Variants in CABLES1 observed in about 807,000 individuals in gnomAD.
CABLES1 encodes the protein Cdk5 and Abl enzyme substrate 1, also known as CDK5 and ABL1 enzyme substrate 1.
CABLES1 carries 36 observed loss-of-function variants against 57.8 expected under a neutral mutation model. The ratio of observed to expected loss-of-function variants is 0.62; its 90% CI spans 0.48 to 0.82. The LOEUF is 0.82. Among genes scored for constraint, CABLES1 ranks in the 40% least tolerant of loss-of-function variants. The pLI, the probability that CABLES1 is intolerant of heterozygous loss-of-function variation, is 0.00. For missense variants in CABLES1, 767 were observed against 836.6 expected (o/e 0.92, Z 1.03); for synonymous variants, 374 against 363.0 (o/e 1.03, Z -0.35).
In CABLES1 at chr18:23,135,829, G is replaced by A; in HGVS notation, c.67G>A (p.Ala23Thr). 2.1e-6 allele frequency: 2 copies of A among 966,114 alleles called. No homozygotes were observed. The highest frequency in any genetic ancestry group is 2.5e-6 in the Non-Finnish European group (2 of 813,260). 59.8% of individuals were successfully genotyped at this position (966,114 alleles called of 1,614,324 possible). ...CSSGSAGTDA[A>T]GASGLQQPPP... ...CAGCGGCAGCGCCGGCACCGACGCC[G>A]CGGGCGCCAGCGGATTGCAGCAGCC... Residue 23 changes from alanine (A) to threonine (T), a missense_variant, in exon 1 of 10, where the codon GCG becomes ACG. Ala to Thr is a moderately conservative substitution (Grantham distance 58). Transcript: ENST00000256925.
chr18:23,247,649 G>A (rs979121697), intron 7 of CABLES1, among the ~76,000 whole-genome samples: 2 of 152,248 alleles, frequency 1.3e-5, no homozygotes, highest in Non-Finnish European at 2.9e-5. Flanking sequence ...TGTGCACTGG[G>A]CCGCCGGGCA....
chr18:23,247,443 C>T (rs952531059), intron 7 of CABLES1, among the ~76,000 whole-genome samples: 1 of 152,200 alleles, frequency 6.6e-6, no homozygotes, highest in African/African-American at 2.4e-5. Flanking sequence ...ATGTGCTGGG[C>T]CCCTTCCAAG....
At chr18:23,184,778 C>T (rs562293315) in intron 1 of CABLES1, among the ~76,000 whole-genome samples, 20 of 152,184 alleles carry the variant, frequency 1.3e-4, no homozygotes, top group Non-Finnish European at 1.8e-4. Context: ...TATCTGGGTG[C>T]GAGCATGGTT....
intron 4 of CABLES1, among the ~76,000 whole-genome samples, chr18:23,221,450 T>C (rs977822565): frequency 1.2e-4 from 18 of 152,166 alleles, no homozygotes; most frequent in Non-Finnish European, 2.4e-4. Context: ...GTGTCCTGAG[T>C]TGCAGACATT....
chr18:23,214,120 G>A (rs529236421), intron 4 of CABLES1, 66 bp downstream of exon 4: 1 of 1,118,920 alleles, frequency 8.9e-7, no homozygotes, highest in African/African-American at 1.6e-5. Flanking sequence ...TGTACATAAT[G>A]TGGCCATCCT....
chr18:23,239,034 T>C (rs1391300520), intron 7 of CABLES1, among the ~76,000 whole-genome samples: 1 of 152,250 alleles, frequency 6.6e-6, no homozygotes, highest in Non-Finnish European at 1.5e-5. Flanking sequence ...CCTCTCCTTT[T>C]ATAGGCCTAG....
At chr18:23,140,454 T>G (rs1357543662) in intron 1 of CABLES1, among the ~76,000 whole-genome samples, 1 of 138,022 alleles carries the variant, frequency 7.2e-6, no homozygotes, top group African/African-American at 2.9e-5. Flanking sequence ...TTTTTTTTTT[T>G]GAGATGGAGT....
chr18:23,152,959 G>A (rs748086853), intron 1 of CABLES1, among the ~76,000 whole-genome samples: 1 of 151,126 alleles, frequency 6.6e-6, no homozygotes, highest in Non-Finnish European at 1.5e-5. Context: ...CCACCACCAC[G>A]CCCTGCTGTT....
At chr18:23,257,033 G>A (rs1201935411) in intron 9 of CABLES1, 194 bp from the exon 10 acceptor site, 2 of 598,796 alleles carry the variant, frequency 3.3e-6, no homozygotes, top group Non-Finnish European at 2.9e-6. Flanking sequence ...CCTCGGGAAA[G>A]GAGCAGCTCC....
At position 23,169,414 on chromosome 18, in the gene CABLES1, T is replaced by C. The variant is rs115626124; in HGVS notation, c.846-19424T>C. ...CTGGATCAGGACTCTTTTCCAGTAA[T>C]GTAAGTATGCATGATATGTTATGTC... On this transcript the variant is annotated intron_variant, in intron 1 of 9. Coordinates refer to ENST00000256925, the MANE Select transcript of CABLES1 (RefSeq NM_001100619.3). 9.1e-3 allele frequency among the ~76,000 whole-genome samples: 1,383 copies of C among 152,296 alleles called. 23 individuals are homozygous for C. Among genetic ancestry groups the C allele is most frequent in the African/African-American group, 0.031 (1,292 of 41,556 alleles).
intron 2 of CABLES1, among the ~76,000 whole-genome samples, chr18:23,193,483 C>T (rs1006106296): frequency 0.011 from 2 of 180 alleles, no homozygotes; most frequent in African/African-American, 0.016. Context: ...TGAGCCACCA[C>T]GCCCCAGCCC....
At position 23,248,532 on chromosome 18, in the gene CABLES1, TTTTTTTAA is replaced by T. The variant is rs1451482653; in HGVS notation, c.1447-4427_1447-4420del. Among the ~76,000 whole-genome samples the T allele has an allele frequency of 9.5e-5, 13 of 137,336 alleles. No homozygotes were observed. In the East Asian group the frequency reaches 1.4e-3, roughly 15 times the overall value. The allele number at this position is 137,336 out of a possible 152,430, so 90.1% of individuals were successfully genotyped here. On this transcript the variant is annotated intron_variant, in intron 7 of 9. Transcript: ENST00000256925. ...TATGTCTTTTTTTTTTTTTTTTTTT[TTTTTTTAA>T]AAAAAGGCTGGACGTGGTGGCTCAT...
At chr18:23,152,172 G>A (rs1438663377) in intron 1 of CABLES1, among the ~76,000 whole-genome samples, 2 of 152,038 alleles carry the variant, frequency 1.3e-5, no homozygotes, top group African/African-American at 4.8e-5. Context: ...GCTGAGGTGG[G>A]AGAATTGCCT....
At chr18:23,144,101 G>A (rs761445870) in intron 1 of CABLES1, among the ~76,000 whole-genome samples, 21 of 152,168 alleles carry the variant, frequency 1.4e-4, no homozygotes, top group Admixed American at 3.9e-4. Context: ...TTCCAGCTCC[G>A]TCAGCCACAG....
intron 4 of CABLES1, among the ~76,000 whole-genome samples, chr18:23,228,765 A>AT (rs2047546252): frequency 6.7e-6 from 1 of 149,840 alleles, no homozygotes; most frequent in Non-Finnish European, 1.5e-5. Context: ...AAAAAAAAAA[A>AT]GTATATATCT....
At chr18:23,214,135 A>G in intron 4 of CABLES1, 81 bp downstream of exon 4, 1 of 965,404 alleles carries the variant, frequency 1.0e-6, no homozygotes, top group South Asian at 1.5e-5. Flanking sequence ...CATCCTTTCC[A>G]TTTTCAAGAA....
chr18:23,155,103 C>G (rs2046957090), intron 1 of CABLES1, among the ~76,000 whole-genome samples: 1 of 152,170 alleles, frequency 6.6e-6, no homozygotes, highest in Non-Finnish European at 1.5e-5. Flanking sequence ...TTTCACAGAG[C>G]CAGAAATAAT....
Position 23,252,994 on chromosome 18 carries a change from TC to T in CABLES1, c.1482del (p.Lys495ArgfsTer4), listed in dbSNP as rs757300890. ...TVIDYVKPSD[L>X]KKDMNETFKE... ...ATTGACTACGTGAAGCCCTCGGATC[TC>T]AAGAAGGACATGAACGAGACCTTCA... is the stretch of plus-strand genomic sequence containing the variant. On this transcript the variant is annotated frameshift_variant, in exon 8 of 10. Transcript: ENST00000256925. LOFTEE classifies it high-confidence loss of function. 1 of 1,613,682 alleles carries T rather than the reference TC, an allele frequency of 6.2e-7. No individual in the cohort carries two copies. The highest frequency in any genetic ancestry group is 8.5e-7 in the Non-Finnish European group (1 of 1,179,636).
chr18:23,222,490 CTA>C (rs35853363), intron 4 of CABLES1, among the ~76,000 whole-genome samples: 4,982 of 151,182 alleles, frequency 0.033, 126 homozygotes, highest in Non-Finnish European at 0.049. Flanking sequence ...TCGAGAATTG[CTA>C]TGTTTATGAA....
Sources: allele counts gnomAD v4.1 joint callset (sites outside exome capture counted in the v4.1 genomes callset), GRCh38; gene constraint gnomAD v4.1.1; transcripts MANE v1.5; gene names NCBI Gene and HGNC (gene_info 2026-07-23, HGNC 2026-07-21).